The following GATC variants were observed in gnomAD, a reference collection of about 807,000 sequenced individuals.
GATC encodes the protein glutamyl-tRNA amidotransferase subunit C.
In GATC, 11 loss-of-function variants were observed where a neutral mutation model predicts 14.4. That is an observed-to-expected ratio of 0.77 (90% CI 0.48 to 1.27). The LOEUF (loss-of-function observed/expected upper bound fraction) is 1.27, where lower values mean the gene tolerates loss of function less well. Among genes scored for constraint, GATC ranks in the 50% most tolerant of loss-of-function variants. GATC has a pLI of 0.00. For missense variants in GATC, 204 were observed against 183.0 expected, an observed-to-expected ratio of 1.11 and a Z score of -0.66; for synonymous variants, 76 against 79.3, an observed-to-expected ratio of 0.96 and a Z score of 0.22.
At chr12:120,454,749 T>TA (rs1491585955) in intron 2 of GATC, among the ~76,000 whole-genome samples, 2 of 151,784 alleles carry the variant, frequency 1.3e-5, no homozygotes, top group African/African-American at 4.8e-5. Context: ...CAACAGAAAC[T>TA]ATAAACTCCA....
At chr12:120,453,711 G>A (rs1249343965) in intron 2 of GATC, among the ~76,000 whole-genome samples, 1 of 151,986 alleles carries the variant, frequency 6.6e-6, no homozygotes, top group Non-Finnish European at 1.5e-5. Context: ...GCTAGGTATG[G>A]TGGTGCACAC....
chr12:120,453,701 G>A (rs980756849), intron 2 of GATC, among the ~76,000 whole-genome samples: 2 of 152,000 alleles, frequency 1.3e-5, no homozygotes, highest in African/African-American at 4.8e-5. Context: ...AATTAATAAA[G>A]CTAGGTATGG....
chr12:120,451,374 G>A (rs1878038694), intron 2 of GATC, among the ~76,000 whole-genome samples: 1 of 151,754 alleles, frequency 6.6e-6, no homozygotes, highest in Admixed American at 6.6e-5. Context: ...AACCAGGACG[G>A]CAGAGGTTGC....
chr12:120,460,194 G>T lies in GATC; in HGVS notation c.*235G>T. The T allele has an allele frequency of 4.4e-6, 2 of 457,444 alleles. No individual in the cohort carries two copies. Among genetic ancestry groups the T allele is most frequent in the Non-Finnish European group, 8.2e-6 (2 of 245,238 alleles). The allele number at this position is 457,444 out of a possible 1,614,324, so 28.3% of individuals were successfully genotyped here. ...AAGAAAAGCAAAAGTCAGCTTCCAAGGAATTCACTTAACAGGCCTGTTCAG... is the reference window on the plus strand; with the variant it reads ...AAGAAAAGCAAAAGTCAGCTTCCAATGAATTCACTTAACAGGCCTGTTCAG... On this transcript the variant is annotated 3_prime_UTR_variant, in exon 4 of 4. Transcript: ENST00000551765.
In GATC at chr12:120,457,084, A is replaced by T. The variant is rs774503496; in HGVS notation, c.263A>T (p.Tyr88Phe). Residue 88 changes from tyrosine (Y) to phenylalanine (F), a missense_variant, in exon 3 of 4, where the codon TAC (tyrosine) becomes TTC (phenylalanine). Transcript: ENST00000551765. The stretch of plus-strand genomic sequence containing the variant: ...GCTTCTGGGTTTTGTAGATGTCTAT[A>T]CCTGAGATCCGACAATGTGGTAGAA... ...MESVLEDRCLYLRSDNVVEGN... is the reference protein window; with the variant it reads ...MESVLEDRCLFLRSDNVVEGN... The T allele has an allele frequency of 6.2e-7, 1 of 1,612,532 alleles. No individual in the cohort carries two copies. Among genetic ancestry groups the T allele is most frequent in the Non-Finnish European group, 8.5e-7 (1 of 1,178,630 alleles).
At chr12:120,456,588 G>A (rs1158747355) in intron 2 of GATC, among the ~76,000 whole-genome samples, 2 of 152,012 alleles carry the variant, frequency 1.3e-5, no homozygotes, top group East Asian at 3.9e-4. Context: ...TATTGCTTTG[G>A]GATTCATGCT....
In GATC at chr12:120,446,794, C is replaced by T. The variant is rs372519826; in HGVS notation, c.219C>T (p.Asp73=). The change falls in exon 2 of 4, where the codon GAC becomes GAT. Residue 73 remains aspartate (D), a synonymous_variant. Coordinates refer to ENST00000551765, the MANE Select transcript of GATC (RefSeq NM_176818.3). ...ACCGGCTACGCGCCGTGGACACAGA[C>T]GGGGTGGAGCCCATGGAATCGGTCC... ...FADRLRAVDT[D]GVEPMESVLE... is the part of the protein sequence containing the mutation. 19 of 1,613,438 alleles carry T rather than the reference C, an allele frequency of 1.2e-5. No homozygotes were observed. The highest frequency in any genetic ancestry group is 1.6e-5 in the Non-Finnish European group (19 of 1,179,842).
intron 3 of GATC, among the ~76,000 whole-genome samples, chr12:120,458,985 CA>C (rs112861677): frequency 0.03 from 4,553 of 152,246 alleles, 243 homozygotes; most frequent in African/African-American, 0.1. Context: ...CTTAGCCTCC[CA>C]AGTAGCTAGG....
intron 2 of GATC, among the ~76,000 whole-genome samples, chr12:120,452,671 G>A (rs1378015483): frequency 2.6e-5 from 4 of 152,036 alleles, no homozygotes; most frequent in African/African-American, 9.7e-5. Flanking sequence ...CAAAGTGCTG[G>A]CATTATAGGC....
chr12:120,462,376 A>G lies in GATC; in HGVS notation c.*2417A>G, dbSNP rs962030371. The G allele has an allele frequency of 4.3e-6, 2 of 461,412 alleles. No homozygotes were observed. Among genetic ancestry groups the G allele is most frequent in the Non-Finnish European group, 7.5e-6 (2 of 265,718 alleles). 28.6% of individuals were successfully genotyped at this position (461,412 alleles called of 1,614,324 possible). A position where few individuals can be genotyped will look rare whatever the true frequency, so the allele number is the denominator to read the frequency against. On this transcript the variant is annotated 3_prime_UTR_variant, in exon 4 of 4. Transcript: ENST00000551765. ...AATGAAGAAAATTAAGACTTAAGTTATATCATTTGCCCAAGGTAACACAAT... is the reference window on the plus strand; with the variant it reads ...AATGAAGAAAATTAAGACTTAAGTTGTATCATTTGCCCAAGGTAACACAAT...
chr12:120,451,143 C>CAAAAAAAAA, intron 2 of GATC, among the ~76,000 whole-genome samples: 1 of 56,460 alleles, frequency 1.8e-5, no homozygotes. Context: ...GACTCCATCT[C>CAAAAAAAAA]AAAAAAAAAA....
At chr12:120,447,157 A>G (rs549724569) in intron 2 of GATC, among the ~76,000 whole-genome samples, 5 of 149,948 alleles carry the variant, frequency 3.3e-5, no homozygotes, top group African/African-American at 9.8e-5. Flanking sequence ...GCTCACTGCA[A>G]CCTCCGCCTC....
Position 120,452,158 on chromosome 12 carries a change from T to A in GATC, c.255-4918T>A, listed in dbSNP as rs1277735004. On this transcript the variant is annotated intron_variant, in intron 2 of 3. Transcript: ENST00000551765. ...TCCCAAAGTGCTGGGATTGCAGGCA[T>A]GAGCCACCGTGCCCGGCCTAAATTA... Among the ~76,000 whole-genome samples the A allele has an allele frequency of 1.3e-5, 2 of 152,114 alleles. 1 individual carries two copies. The highest frequency in any genetic ancestry group is 4.1e-4 in the South Asian group (2 of 4,824).
intron 2 of GATC, among the ~76,000 whole-genome samples, chr12:120,451,017 G>A (rs1006190716): frequency 3.3e-5 from 5 of 151,300 alleles, no homozygotes; most frequent in African/African-American, 1.2e-4. Context: ...GGTGGTGCAT[G>A]CCTGTAATCC....
In GATC at chr12:120,460,913, G is replaced by A. The variant is rs1383073545; in HGVS notation, c.*954G>A. ...CCAGCTACTCGGGAGGCTGAGGCAG[G>A]AGAATGGCGTGAACCCGGGAGACGG... On this transcript the variant is annotated 3_prime_UTR_variant, in exon 4 of 4. Transcript: ENST00000551765. 2 of 151,708 alleles carry A rather than the reference G, an allele frequency of 1.3e-5. No individual in the cohort carries two copies. Among genetic ancestry groups the A allele is most frequent in the Non-Finnish European group, 2.9e-5 (2 of 67,998 alleles). 9.4% of individuals were successfully genotyped at this position (151,708 alleles called of 1,614,324 possible).
Position 120,462,875 on chromosome 12 carries a change from T to A in GATC, c.*2916T>A, listed in dbSNP as rs1878389690. ...CTTAGGTGAAAGTCAGTAATTGGAG[T>A]TACCCTTTCTGAGGCCCTGCTTTGC... On this transcript the variant is annotated 3_prime_UTR_variant, in exon 4 of 4. Coordinates refer to ENST00000551765, the MANE Select transcript of GATC (RefSeq NM_176818.3). 1 of 152,134 alleles carries A rather than the reference T, an allele frequency of 6.6e-6. No homozygotes were observed. Among genetic ancestry groups the A allele is most frequent in the Admixed American group, 6.5e-5 (1 of 15,280 alleles). 9.4% of individuals were successfully genotyped at this position (152,134 alleles called of 1,614,324 possible).
chr12:120,455,061 T>A (rs187644117), intron 2 of GATC: 355 of 412,388 alleles, frequency 8.6e-4, no homozygotes, highest in African/African-American at 6.9e-3. Context: ...CTAACTTTTA[T>A]ATTTTTAGTA....
At position 120,461,320 on chromosome 12, in the gene GATC, T is replaced by C. The variant is rs1221755034; in HGVS notation, c.*1361T>C. 3 of 152,184 alleles carry C rather than the reference T, an allele frequency of 2.0e-5. No homozygotes were observed. The highest frequency in any genetic ancestry group is 7.2e-5 in the African/African-American group (3 of 41,444). The allele number at this position is 152,184 out of a possible 1,614,324, so 9.4% of individuals were successfully genotyped here. ...TGTTGCCTATCTGGTCGTGAACTCC[T>C]GGCCTCAAGGGATCCTCTGGCATGC... On this transcript the variant is annotated 3_prime_UTR_variant, in exon 4 of 4. Transcript: ENST00000551765.
At chr12:120,453,018 T>G (rs949951789) in intron 2 of GATC, among the ~76,000 whole-genome samples, 1 of 152,258 alleles carries the variant, frequency 6.6e-6, no homozygotes, top group African/African-American at 2.4e-5. Context: ...CCAAGTTAAT[T>G]AGCCCCCATT....
Sources: allele counts gnomAD v4.1 joint callset (sites outside exome capture counted in the v4.1 genomes callset), GRCh38; gene constraint gnomAD v4.1.1; transcripts MANE v1.5; gene names NCBI Gene and HGNC (gene_info 2026-07-23, HGNC 2026-07-21).